PPP2R2B: variants seen among roughly 807,000 people sequenced by gnomAD.
PPP2R2B encodes serine/threonine-protein phosphatase 2A 55 kDa regulatory subunit B beta isoform.
In PPP2R2B, 5 loss-of-function variants were observed where a neutral mutation model predicts 46.0. That is an observed-to-expected ratio of 0.11 (90% CI 0.06 to 0.23). The LOEUF (loss-of-function observed/expected upper bound fraction) is 0.23, where lower values mean the gene tolerates loss of function less well. Among genes scored for constraint, PPP2R2B ranks in the 10% least tolerant of loss-of-function variants. PPP2R2B has a pLI of 1.00. For synonymous variants in PPP2R2B, 215 were observed against 206.7 expected, an observed-to-expected ratio of 1.04 and a Z score of -0.34; for missense variants, 367 against 575.0, an observed-to-expected ratio of 0.64 and a Z score of 3.70.
In PPP2R2B at chr5:147,009,210, C is replaced by G. The variant is rs140083090; in HGVS notation, c.79+46455G>C. ...TAGCAGTGAATTCTGTTCTGTTTTC[C>G]TCTTTACCCTGGCTTGGAAAAAGCT... On this transcript the variant is annotated intron_variant, in intron 1 of 8. Coordinates refer to the PPP2R2B transcript ENST00000336640. Among the ~76,000 whole-genome samples, 11 of 152,210 alleles carry G rather than the reference C, an allele frequency of 7.2e-5. 1 individual carries two copies. The highest frequency in any genetic ancestry group is 2.6e-4 in the African/African-American group (11 of 41,554).
chr5:146,985,022 T>C (rs950026486), intron 1 of PPP2R2B, among the ~76,000 whole-genome samples: 12 of 139,080 alleles, frequency 8.6e-5, no homozygotes, highest in South Asian at 2.3e-4. Flanking sequence ...TTTTTCTTTT[T>C]TTTTTTTTTT....
At chr5:146,645,875 T>C (rs1775548241) in intron 6 of PPP2R2B, among the ~76,000 whole-genome samples, 2 of 152,286 alleles carry the variant, frequency 1.3e-5, no homozygotes, top group South Asian at 4.1e-4. Context: ...GCTTCAAAAA[T>C]AGTGGCCTTC....
intron 1 of PPP2R2B, among the ~76,000 whole-genome samples, chr5:146,951,321 C>T (rs748216214): frequency 6.6e-6 from 1 of 151,678 alleles, no homozygotes; most frequent in African/African-American, 2.4e-5. Flanking sequence ...TAGAACATTT[C>T]CATTCCCCGT....
At chr5:147,071,453 T>C (rs1757595697) in intron 2 of PPP2R2B, among the ~76,000 whole-genome samples, 1 of 152,192 alleles carries the variant, frequency 6.6e-6, no homozygotes, top group Admixed American at 6.5e-5. Context: ...AAGGTCCCCA[T>C]CTTGCATCTG....
chr5:146,682,400 T>C (rs1778233191), intron 5 of PPP2R2B, among the ~76,000 whole-genome samples: 1 of 152,228 alleles, frequency 6.6e-6, no homozygotes, highest in Non-Finnish European at 1.5e-5. Flanking sequence ...CGTCTATTGA[T>C]GGCAAGATAT....
chr5:146,903,391 CTTTTT>C (rs58777308), intron 1 of PPP2R2B, among the ~76,000 whole-genome samples: 6 of 120,824 alleles, frequency 5.0e-5, no homozygotes, highest in Admixed American at 1.7e-4. Flanking sequence ...CTTTCTTTCT[CTTTTT>C]TTTTTTTTTT....
chr5:147,060,446 G>A (rs1297736983), upstream of PPP2R2B, among the ~76,000 whole-genome samples: 1 of 152,020 alleles, frequency 6.6e-6, no homozygotes, highest in Non-Finnish European at 1.5e-5. Context: ...GGGCAATAGG[G>A]TGAATACCCA....
At chr5:146,988,786 T>C (rs1423598393) in intron 1 of PPP2R2B, among the ~76,000 whole-genome samples, 1 of 151,196 alleles carries the variant, frequency 6.6e-6, no homozygotes, top group East Asian at 1.9e-4. Flanking sequence ...ATAAATGAAA[T>C]AGAGACAAAA....
intron 2 of PPP2R2B, among the ~76,000 whole-genome samples, chr5:147,080,402 A>G (rs1057382843): frequency 6.6e-6 from 1 of 152,212 alleles, no homozygotes; most frequent in African/African-American, 2.4e-5. Context: ...CAGAAGTGCT[A>G]TTCTAGTTCC....
chr5:147,060,064 T>C (rs1334157308), upstream of PPP2R2B, among the ~76,000 whole-genome samples: 1 of 152,204 alleles, frequency 6.6e-6, no homozygotes, highest in South Asian at 2.1e-4. Flanking sequence ...TATTTAATAT[T>C]AATCAGGATG....
At chr5:146,879,691 A>G (rs1248757861), upstream of PPP2R2B, among the ~76,000 whole-genome samples, 2 of 152,182 alleles carry the variant, frequency 1.3e-5, no homozygotes, top group East Asian at 3.9e-4. Context: ...CCAAATTTCA[A>G]ACTCTACTTT....
At chr5:146,839,048 C>A (rs1408862446) in intron 2 of PPP2R2B, among the ~76,000 whole-genome samples, 1 of 152,188 alleles carries the variant, frequency 6.6e-6, no homozygotes, top group East Asian at 1.9e-4. Context: ...TGATTTCCAA[C>A]CTTCCCTTCT....
chr5:147,079,991 A>C (rs188485074), intron 2 of PPP2R2B, among the ~76,000 whole-genome samples: 7 of 152,300 alleles, frequency 4.6e-5, no homozygotes, highest in African/African-American at 1.7e-4. Flanking sequence ...ATATAATTTT[A>C]TATGGATTTA....
chr5:146,976,506 AC>A (rs1453813505), intron 1 of PPP2R2B, among the ~76,000 whole-genome samples: 1 of 152,108 alleles, frequency 6.6e-6, no homozygotes, highest in Non-Finnish European at 1.5e-5. Context: ...TGTATATGGT[AC>A]AAAGGTAAGG....
intron 2 of PPP2R2B, among the ~76,000 whole-genome samples, chr5:147,061,232 A>G (rs990023999): frequency 2.0e-5 from 3 of 152,186 alleles, no homozygotes; most frequent in Non-Finnish European, 2.9e-5. Context: ...ACATTACATG[A>G]ACAAGGTTAT....
At position 147,073,884 on chromosome 5, in the gene PPP2R2B, A is replaced by G. The variant is rs147230691; in HGVS notation, c.50+7175T>C. Among the ~76,000 whole-genome samples, 1,252 of 152,044 alleles carry G rather than the reference A, an allele frequency of 8.2e-3. 21 individuals are homozygous for G. Among genetic ancestry groups the G allele is most frequent in the African/African-American group, 0.029 (1,196 of 41,460 alleles). On this transcript the variant is annotated intron_variant, in intron 2 of 10. Coordinates refer to the PPP2R2B transcript ENST00000394413. ...AACCCCATCTTTACTAAAAATACAAAAAGTAGCCAGGGGTGGTGGCAGGCA... is the reference window on the plus strand; with the variant it reads ...AACCCCATCTTTACTAAAAATACAAGAAGTAGCCAGGGGTGGTGGCAGGCA...
chr5:146,704,956 G>C (rs1165647373), intron 2 of PPP2R2B, among the ~76,000 whole-genome samples: 2 of 152,144 alleles, frequency 1.3e-5, no homozygotes, highest in African/African-American at 4.8e-5. Context: ...ATTGAGTTGA[G>C]GCAGGCACCT....
intron 2 of PPP2R2B, chr5:147,081,029 C>T (rs758481572): frequency 1.3e-6 from 2 of 1,523,336 alleles, no homozygotes; most frequent in South Asian, 1.2e-5. Context: ...CCCAAGGAGG[C>T]AAGGAAAAGG....
intron 2 of PPP2R2B, among the ~76,000 whole-genome samples, chr5:146,709,046 T>C (rs1448132665): frequency 2.0e-5 from 3 of 152,262 alleles, no homozygotes; most frequent in Non-Finnish European, 2.9e-5. Flanking sequence ...CTACTGTGTG[T>C]AATACGTTCT....
Sources: gnomAD v4.1 joint callset for allele counts (sites outside exome capture counted in the v4.1 genomes callset) on GRCh38, gnomAD v4.1.1 for gene constraint, MANE v1.5 for transcripts, NCBI Gene and HGNC (gene_info 2026-07-23, HGNC 2026-07-21) for gene names.